The following SPTA1 variants were observed in gnomAD, a reference collection of about 807,000 sequenced individuals.
SPTA1 encodes spectrin alpha chain, erythrocytic 1.
SPTA1 carries 177 observed loss-of-function variants against 324.7 expected under a neutral mutation model. The ratio of observed to expected loss-of-function variants is 0.55; its 90% CI spans 0.48 to 0.62. The LOEUF (loss-of-function observed/expected upper bound fraction) is 0.62. SPTA1 is among the 20% of genes least tolerant of loss of function. The pLI is 0.00. For missense variants in SPTA1, 3,162 were observed against 2,883.6 expected (o/e 1.10, Z -2.21); for synonymous variants, 1,195 against 1,041.3 (o/e 1.15, Z -2.84).
At chr1:158,668,585 A>C (rs996617544) in intron 14 of SPTA1, among the ~76,000 whole-genome samples, 4 of 152,330 alleles carry the variant, frequency 2.6e-5, no homozygotes, top group African/African-American at 9.6e-5. Context: ...AAATAATATC[A>C]GGAAAATAAA....
chr1:158,656,779 T>C (rs916028877), intron 19 of SPTA1, 123 bp from the exon 20 acceptor site: 4 of 847,176 alleles, frequency 4.7e-6, no homozygotes, highest in South Asian at 4.5e-5. Flanking sequence ...CCATCTATCA[T>C]AAAGTTATTT....
chr1:158,626,867 C>T lies in SPTA1; in HGVS notation c.5805G>A (p.Trp1935Ter). The T allele has an allele frequency of 6.2e-7, 1 of 1,613,850 alleles. No individual in the cohort carries two copies. Among genetic ancestry groups the T allele is most frequent in the Non-Finnish European group, 8.5e-7 (1 of 1,179,768 alleles). The stretch of plus-strand genomic sequence containing the variant: ...TCCAAGCCTCTACCACATCAGCCTT[C>T]CAGTTGAATTCCTGAAAGGCATAAT... The part of the protein sequence containing the change: ...EDDYAFQEFN[W>*]KADVVEAWIA... The change falls in exon 41 of 52, where the codon TGG becomes TGA. Residue 1935 changes from tryptophan (W) to a stop codon, truncating the protein, a stop_gained. Transcript: ENST00000643759. LOFTEE classifies it high-confidence loss of function.
chr1:158,653,364 C>T lies in SPTA1; in HGVS notation c.3098G>A (p.Arg1033Lys), dbSNP rs1238951621. 2 of 1,614,148 alleles carry T rather than the reference C, an allele frequency of 1.2e-6. No individual in the cohort carries two copies. The highest frequency in any genetic ancestry group is 2.2e-5 in the South Asian group (2 of 91,074). The change falls in exon 22 of 52, where the codon AGA becomes AAA. Residue 1033 changes from arginine to lysine, a missense_variant. By Grantham distance (26) the Arg-to-Lys change is conservative. Transcript: ENST00000643759. Reference sequence around the variant, plus strand: ...CATCGGGAACTCATCGTGGGCCAGTCTTCTGACATAGACAGCTGGGACAAT... The same window carrying T: ...CATCGGGAACTCATCGTGGGCCAGTTTTCTGACATAGACAGCTGGGACAAT... The part of the protein sequence containing the change: ...QGIVPAVYVR[R>K]LAHDEFPMLP...
chr1:158,614,743 G>T (rs1649454838), intron 48 of SPTA1: 1 of 189,164 alleles, frequency 5.3e-6, no homozygotes, highest in African/African-American at 2.4e-5. Flanking sequence ...GAAAAAGTTT[G>T]CCAATCCTAA....
chr1:158,653,389 T>C lies in SPTA1; in HGVS notation c.3073A>G (p.Ile1025Val), dbSNP rs199503178. 3.1e-6 allele frequency: 5 copies of C among 1,614,002 alleles called. No homozygotes were observed. Among genetic ancestry groups the C allele is most frequent in the East Asian group, 4.5e-5 (2 of 44,870 alleles). The change falls in exon 22 of 52, where the codon ATT becomes GTT. Residue 1025 changes from isoleucine (I) to valine (V), a missense_variant. Coordinates refer to ENST00000643759, the MANE Select transcript of SPTA1 (RefSeq NM_003126.4). ...WKVEAADHQG[I>V]VPAVYVRRLA... is the part of the protein sequence containing the mutation. ...CTTCTGACATAGACAGCTGGGACAA[T>C]GCCCTGATGATCAGCAGCTTCCACC...
rs1173112542 is a variant in SPTA1 at position 158,647,668 on chromosome 1, G to A, written c.3767C>T (p.Ala1256Val). The change falls in exon 27 of 52, where the codon GCC becomes GTC. Residue 1256 changes from alanine (A) to valine (V), a missense_variant. By Grantham distance (64) the Ala-to-Val change is moderately conservative. Transcript: ENST00000643759. ...TTTCTGTCTCTGCAGGTCCTCAGTG[G>A]CATCTGGATGGGACTCACTGAGCCG... is the stretch of plus-strand genomic sequence containing the variant. ...AERLSESHPD[A>V]TEDLQRQKME... 2 of 1,613,756 alleles carry A rather than the reference G, an allele frequency of 1.2e-6. No homozygotes were observed. The highest frequency in any genetic ancestry group is 1.7e-6 in the Non-Finnish European group (2 of 1,179,916).
In SPTA1 at chr1:158,636,638, T is replaced by C. The variant is rs769785757; in HGVS notation, c.5310+3A>G. On this transcript the variant is annotated splice_donor_region_variant and intron_variant, in intron 37 of 51. Coordinates refer to ENST00000643759, the MANE Select transcript of SPTA1 (RefSeq NM_003126.4). ...ATTTTCAGATCTGGTATTCTATTCC[T>C]ACCTGGATGGCAGGCTCATGGGCCA... 6 of 1,614,070 alleles carry C rather than the reference T, an allele frequency of 3.7e-6. No individual in the cohort carries two copies. The South Asian group carries it at 5.5e-5, about 15-fold the overall frequency.
At position 158,635,150 on chromosome 1, in the gene SPTA1, G is replaced by A. The variant is rs76392937; in HGVS notation, c.5433-475C>T. Among the ~76,000 whole-genome samples, 1,085 of 152,224 alleles carry A rather than the reference G, an allele frequency of 7.1e-3. 8 individuals are homozygous for A. The highest frequency in any genetic ancestry group is 0.024 in the African/African-American group (1,010 of 41,550). On this transcript the variant is annotated intron_variant, in intron 38 of 51. Transcript: ENST00000643759. ...TATATGTGTGATATGGTTTGGCTCC[G>A]TTTCCCCACCCAAATCTCATCTTGA... is the stretch of plus-strand genomic sequence containing the variant.
chr1:158,667,850 C>G lies in SPTA1; in HGVS notation c.2038+8G>C, dbSNP rs1438210717. On this transcript the variant is annotated splice_region_variant and intron_variant, in intron 15 of 51. Transcript: ENST00000643759. ...AAATGACCTTTCACCAAAACCTCTGCTTTTTACCTTTCTGTTTTGTAGCCT... is the reference window on the plus strand; with the variant it reads ...AAATGACCTTTCACCAAAACCTCTGGTTTTTACCTTTCTGTTTTGTAGCCT... 3 of 1,613,398 alleles carry G rather than the reference C, an allele frequency of 1.9e-6. No individual in the cohort carries two copies. The East Asian group carries it at 6.7e-5, about 36-fold the overall frequency.
At chr1:158,674,488 T>C in intron 9 of SPTA1, 52 bp downstream of exon 9, 1 of 1,614,062 alleles carries the variant, frequency 6.2e-7, no homozygotes, top group East Asian at 2.2e-5. Flanking sequence ...ATTTCTGGCA[T>C]TCAGCCAAAT....
At chr1:158,677,563 A>C in intron 7 of SPTA1, 127 bp downstream of exon 7, 2 of 1,134,710 alleles carry the variant, frequency 1.8e-6, no homozygotes, top group Non-Finnish European at 2.6e-6. Flanking sequence ...ATTCAAGTGC[A>C]CACAATTTCT....
chr1:158,620,209 C>T lies in SPTA1; in HGVS notation c.6378G>A (p.Val2126=), dbSNP rs141823269. 4 of 1,614,122 alleles carry T rather than the reference C, an allele frequency of 2.5e-6. No individual in the cohort carries two copies. In the African/African-American group the frequency reaches 4.0e-5, roughly 16 times the overall value. The change falls in exon 44 of 52, where the codon GTG becomes GTA. Residue 2126 remains valine (V), a synonymous_variant. Coordinates refer to ENST00000643759, the MANE Select transcript of SPTA1 (RefSeq NM_003126.4). ...ATAGGTGCTTCCAGGTCCTTTCCAG[C>T]ACCTCCACTGTTAACCAGGTATAAG... ...SSPYTWLTVE[V]LERTWKHLSD...
Position 158,643,112 on chromosome 1 carries a change from A to C in SPTA1, c.4443-136T>G, listed in dbSNP as rs151029499. On this transcript the variant is annotated intron_variant, in intron 31 of 51. Transcript: ENST00000643759. ...TCTTATTATTTTCATTATAAAATGC[A>C]GTGCTAAAGCCAGTTAATTTCTAAG... 347 of 1,340,646 alleles carry C rather than the reference A, an allele frequency of 2.6e-4. 1 individual carries two copies. The African/African-American group carries it at 4.5e-3, about 18-fold the overall frequency. The allele number at this position is 1,340,646 out of a possible 1,614,324, so 83.0% of individuals were successfully genotyped here.
At chr1:158,646,487 C>A (rs1652005896) in intron 27 of SPTA1, among the ~76,000 whole-genome samples, 1 of 151,816 alleles carries the variant, frequency 6.6e-6, no homozygotes. Context: ...CAAAACAAAA[C>A]AAAACAAAAA....
intron 1 of SPTA1, 40 bp from the exon 2 acceptor site, chr1:158,685,387 A>C: frequency 1.9e-6 from 3 of 1,607,494 alleles, no homozygotes; most frequent in Non-Finnish European, 2.5e-6. Flanking sequence ...TAGTTCTCAA[A>C]TATTTAACAT....
chr1:158,623,254 G>A (rs1367633157), intron 42 of SPTA1, 62 bp from the exon 43 acceptor site: 1 of 1,383,814 alleles, frequency 7.2e-7, no homozygotes, highest in Non-Finnish European at 1.0e-6. Flanking sequence ...TTCACATCTG[G>A]GTTCCACCAG....
chr1:158,639,849 A>G, intron 34 of SPTA1, 21 bp downstream of exon 34: 2 of 1,613,884 alleles, frequency 1.2e-6, no homozygotes, highest in Non-Finnish European at 1.7e-6. Context: ...TTGTGTCTCT[A>G]CTGTTTCCGG....
chr1:158,625,695 G>T (rs1219659238), intron 42 of SPTA1, among the ~76,000 whole-genome samples: 1 of 151,508 alleles, frequency 6.6e-6, no homozygotes, highest in Non-Finnish European at 1.5e-5. Context: ...AATGATAAAA[G>T]AAATGACAAA....
chr1:158,640,868 A>G (rs1217030403), intron 33 of SPTA1, among the ~76,000 whole-genome samples: 1 of 152,222 alleles, frequency 6.6e-6, no homozygotes, highest in Non-Finnish European at 1.5e-5. Context: ...CTAAGGCAAA[A>G]GAACAAAGCT....
Sources: allele counts gnomAD v4.1 joint callset (sites outside exome capture counted in the v4.1 genomes callset), GRCh38; gene constraint gnomAD v4.1.1; transcripts MANE v1.5; gene names NCBI Gene and HGNC (gene_info 2026-07-23, HGNC 2026-07-21).